PLEKHG4B: variants seen among roughly 807,000 people sequenced by gnomAD.
PLEKHG4B encodes the protein pleckstrin homology and RhoGEF domain containing G4B, also known as pleckstrin homology domain-containing family G member 4B.
Under a neutral mutation model 121.3 loss-of-function variants are expected in PLEKHG4B, and 111 were observed. The observed-to-expected ratio is 0.92, with a 90% CI of 0.78 to 1.07. The LOEUF is 1.07. Ranked by LOEUF, PLEKHG4B falls within the 50% of genes least tolerant of loss-of-function variation. The probability of loss-of-function intolerance (pLI) is 0.00; values close to 1 mark genes in which losing one functional copy is unlikely to be tolerated. For missense variants in PLEKHG4B, 1,831 were observed against 1,757.8 expected (o/e 1.04, Z -0.74); for synonymous variants, 738 against 725.0 (o/e 1.02, Z -0.29).
chr5:136,031 G>A (rs1255184542), intron 2 of PLEKHG4B, among the ~76,000 whole-genome samples: 1 of 151,994 alleles, frequency 6.6e-6, no homozygotes, highest in Non-Finnish European at 1.5e-5. Context: ...ATATGGCTAA[G>A]TGATGTTCTA....
In PLEKHG4B at chr5:182,369, G is replaced by A. The variant is rs1441632825; in HGVS notation, c.*46G>A. ...CCCATCATGTGGCTAGAACAATACA[G>A]AGGGAGCAGCACGCCAGGCCTGATG... On this transcript the variant is annotated 3_prime_UTR_variant, in exon 20 of 20. Transcript: ENST00000637938. The A allele has an allele frequency of 2.0e-6, 3 of 1,525,068 alleles. No individual in the cohort carries two copies. Among genetic ancestry groups the A allele is most frequent in the Non-Finnish European group, 2.6e-6 (3 of 1,135,434 alleles). 94.5% of individuals were successfully genotyped at this position (1,525,068 alleles called of 1,614,324 possible).
Position 182,403 on chromosome 5 carries a change from G to C in PLEKHG4B, c.*80G>C, listed in dbSNP as rs1378643445. The C allele has an allele frequency of 1.4e-6, 2 of 1,422,484 alleles. No homozygotes were observed. The highest frequency in any genetic ancestry group is 2.1e-5 in the Admixed American group (1 of 47,434). 88.1% of individuals were successfully genotyped at this position (1,422,484 alleles called of 1,614,324 possible). On this transcript the variant is annotated 3_prime_UTR_variant, in exon 20 of 20. Transcript: ENST00000637938. ...GCACGCCAGGCCTGATGACTCTGGG[G>C]GTGGCGGTGCCCATCGCGTGGCTGG...
intron 2 of PLEKHG4B, among the ~76,000 whole-genome samples, chr5:128,530 A>G (rs533154338): frequency 6.6e-6 from 1 of 152,274 alleles, no homozygotes; most frequent in African/African-American, 2.4e-5. Flanking sequence ...TTTTTTGGCC[A>G]CTTTGGCTCT....
intron 1 of PLEKHG4B, among the ~76,000 whole-genome samples, chr5:109,719 T>G (rs1461178717): frequency 6.6e-6 from 1 of 152,166 alleles, no homozygotes; most frequent in Non-Finnish European, 1.5e-5. Flanking sequence ...CATTGAAGAG[T>G]GAAGCTTTAA....
chr5:169,618 C>CAGGCCA (rs751521321), intron 14 of PLEKHG4B, 26 bp downstream of exon 14: 1 of 1,607,454 alleles, frequency 6.2e-7, no homozygotes, highest in South Asian at 1.1e-5. Context: ...GGCGTGGGTG[C>CAGGCCA]CGGGCAACGT....
At chr5:119,050 G>A (rs1040847773) in intron 2 of PLEKHG4B, among the ~76,000 whole-genome samples, 1 of 151,876 alleles carries the variant, frequency 6.6e-6, no homozygotes, top group Non-Finnish European at 1.5e-5. Context: ...TGTAGAGATG[G>A]GCTTTCAGTA....
intron 18 of PLEKHG4B, 48 bp from the exon 19 acceptor site, chr5:181,466 T>G (rs1733362371): frequency 6.3e-7 from 1 of 1,584,934 alleles, no homozygotes; most frequent in African/African-American, 1.3e-5. Context: ...TGGGGTGGCA[T>G]TAGCCCCCGA....
intron 2 of PLEKHG4B, among the ~76,000 whole-genome samples, chr5:122,380 G>A (rs73020549): frequency 0.027 from 4,075 of 151,962 alleles, 185 homozygotes; most frequent in African/African-American, 0.092. Context: ...CTGAACGTTC[G>A]TTGTATAAAA....
At chr5:141,249 C>T (rs1735191217) in intron 3 of PLEKHG4B, among the ~76,000 whole-genome samples, 1 of 23,280 alleles carries the variant, frequency 4.3e-5, no homozygotes, top group African/African-American at 2.0e-4. Context: ...GCACTGTCCC[C>T]CTCCCACCCT....
intron 18 of PLEKHG4B, among the ~76,000 whole-genome samples, chr5:175,026 G>C (rs1436915375): frequency 6.6e-6 from 1 of 152,118 alleles, no homozygotes. Flanking sequence ...TGACAAGAAA[G>C]CTCTTGGATT....
rs928639396 is a variant in PLEKHG4B, at chr5:188,643, G to A, written c.*6320G>A. On this transcript the variant is annotated 3_prime_UTR_variant, in exon 20 of 20. Transcript: ENST00000637938. ...GCAGCAGACAGAACCGGCACTTTTA[G>A]GGTCCAAACCCTGTTGCCCACAGAA... 1 of 152,246 alleles carries A rather than the reference G, an allele frequency of 6.6e-6. No individual in the cohort carries two copies. Among genetic ancestry groups the A allele is most frequent in the African/African-American group, 2.4e-5 (1 of 41,466 alleles). 9.4% of individuals were successfully genotyped at this position (152,246 alleles called of 1,614,324 possible). A position where few individuals can be genotyped will look rare whatever the true frequency, so the allele number is the denominator to read the frequency against.
At chr5:164,437 TGTGA>T (rs1560944354) in intron 13 of PLEKHG4B, among the ~76,000 whole-genome samples, 3 of 151,096 alleles carry the variant, frequency 2.0e-5, no homozygotes, top group African/African-American at 7.4e-5. Flanking sequence ...CCAGTAATGC[TGTGA>T]CAGGGGGCGG....
In PLEKHG4B at chr5:181,967, C is replaced by T. The variant is rs141073451; in HGVS notation, c.4565-37C>T. 4.1e-4 allele frequency: 657 copies of T among 1,590,162 alleles called. 3 individuals carry two copies. In the African/African-American group the frequency reaches 7.5e-3, roughly 18 times the overall value. ...CCGAACCTGGGCTGCACTTCTGGAG[C>T]GGAAGCCAGCCTGACGTGCTTTCTG... On this transcript the variant is annotated intron_variant, in intron 19 of 19. Coordinates refer to ENST00000637938, the MANE Select transcript of PLEKHG4B (RefSeq NM_052909.5).
intron 13 of PLEKHG4B, among the ~76,000 whole-genome samples, chr5:165,763 C>T (rs1736306098): frequency 4.2e-5 from 1 of 24,068 alleles, no homozygotes; most frequent in Non-Finnish European, 9.9e-5. Flanking sequence ...CGGGGCGGGG[C>T]TCACAGTAAT....
rs1421900770 is a variant in PLEKHG4B, at chr5:143,105, C to A, written c.1536C>A (p.Asn512Lys). 1.4e-5 allele frequency: 22 copies of A among 1,613,008 alleles called. No homozygotes were observed. Among genetic ancestry groups the A allele is most frequent in the Non-Finnish European group, 1.9e-5 (22 of 1,179,990 alleles). Residue 512 changes from asparagine (N) to lysine (K), a missense_variant, in exon 4 of 20, where the codon AAC becomes AAA. Asn to Lys is a moderately conservative substitution (Grantham distance 94). Transcript: ENST00000637938. ...ACGGCGGCAGCCTCCATTGCCACAA[C>A]CCCAGCGGGCCTTCCGATGTGCCTG... ...STDGGSLHCH[N>K]PSGPSDVPAR...
rs969992893 is a variant in PLEKHG4B at position 185,503 on chromosome 5, C to G, written c.*3180C>G. 6.6e-6 allele frequency: 1 copy of G among 152,260 alleles called. No homozygotes were observed. The highest frequency in any genetic ancestry group is 1.9e-4 in the East Asian group (1 of 5,184). The allele number at this position is 152,260 out of a possible 1,614,324, so 9.4% of individuals were successfully genotyped here. On this transcript the variant is annotated 3_prime_UTR_variant, in exon 20 of 20. Coordinates refer to ENST00000637938, the MANE Select transcript of PLEKHG4B (RefSeq NM_052909.5). Reference sequence around the variant, plus strand: ...CTGAGTATGGACAGCCACCATCACACAGCCCCAGAGGCCGCCCAGGCTCTA... The same window carrying G: ...CTGAGTATGGACAGCCACCATCACAGAGCCCCAGAGGCCGCCCAGGCTCTA...
At chr5:178,428 C>T (rs1736829927) in intron 18 of PLEKHG4B, among the ~76,000 whole-genome samples, 1 of 152,118 alleles carries the variant, frequency 6.6e-6, no homozygotes, top group South Asian at 2.1e-4. Flanking sequence ...TCCATGTGCA[C>T]GTGAAGAGAA....
chr5:162,806 G>T lies in PLEKHG4B; in HGVS notation c.2734G>T (p.Ala912Ser). 1 of 1,502,528 alleles carries T rather than the reference G, an allele frequency of 6.7e-7. No homozygotes were observed. The allele number at this position is 1,502,528 out of a possible 1,614,324, so 93.1% of individuals were successfully genotyped here. A position where few individuals can be genotyped will look rare whatever the true frequency, so the allele number is the denominator to read the frequency against. ...AECLRSCHQE[A>S]TSVAAEAFPG... ...GTGTTTGAGGAGCTGTCACCAGGAG[G>T]CTACCTCGGTGGCTGCAGAGGCCTT... Residue 912 changes from alanine (A) to serine (S), a missense_variant, in exon 13 of 20, where the codon GCT becomes TCT. Transcript: ENST00000637938.
chr5:101,341 T>G (rs1390632822), intron 1 of PLEKHG4B, among the ~76,000 whole-genome samples: 22 of 119,366 alleles, frequency 1.8e-4, no homozygotes, highest in East Asian at 2.3e-4. Flanking sequence ...TATAAAGCCC[T>G]GGAAAAAGCC....
Sources: allele counts gnomAD v4.1 joint callset (sites outside exome capture counted in the v4.1 genomes callset), GRCh38; gene constraint gnomAD v4.1.1; transcripts MANE v1.5; gene names NCBI Gene and HGNC (gene_info 2026-07-23, HGNC 2026-07-21).